The following SLC38A9 variants were observed in gnomAD, a reference collection of about 807,000 sequenced individuals.
SLC38A9 encodes the protein neutral amino acid transporter 9.
Under a neutral mutation model 62.3 loss-of-function variants are expected in SLC38A9, and 48 were observed. That is an observed-to-expected ratio of 0.77 (90% CI 0.61 to 0.98). SLC38A9 has a LOEUF of 0.98. SLC38A9 is among the 50% of genes least tolerant of loss of function. The pLI is 0.00. For synonymous variants in SLC38A9, 204 were observed against 227.7 expected (o/e 0.90, Z 0.94); for missense variants, 541 against 679.8 (o/e 0.80, Z 2.27).
At chr5:55,647,049 C>A (rs1029506766) in intron 11 of SLC38A9, among the ~76,000 whole-genome samples, 1 of 152,118 alleles carries the variant, frequency 6.6e-6, no homozygotes, top group African/African-American at 2.4e-5. Context: ...TGTGCCTGGC[C>A]TACTTTTATT....
chr5:55,690,192 A>G (rs1299493066), intron 3 of SLC38A9, among the ~76,000 whole-genome samples: 1 of 152,088 alleles, frequency 6.6e-6, no homozygotes, highest in East Asian at 1.9e-4. Context: ...ATATCTCGCT[A>G]TGTTGCCCAG....
chr5:55,669,464 T>G, intron 6 of SLC38A9, 93 bp downstream of exon 6: 1 of 1,365,782 alleles, frequency 7.3e-7, no homozygotes. Context: ...CTTTAATGAA[T>G]TTTATGTAGA....
chr5:55,649,500 A>G (rs1054388095), intron 10 of SLC38A9, among the ~76,000 whole-genome samples, 186 bp from the exon 11 acceptor site: 1 of 94,786 alleles, frequency 1.1e-5, no homozygotes, highest in South Asian at 4.3e-4. Context: ...CAGAAAAAAA[A>G]CAAAACACTC....
At chr5:55,648,980 C>G (rs1433331339) in intron 11 of SLC38A9, among the ~76,000 whole-genome samples, 1 of 152,062 alleles carries the variant, frequency 6.6e-6, no homozygotes, top group East Asian at 1.9e-4. Flanking sequence ...AGTATTAGTG[C>G]ACTATAACTT....
intron 2 of SLC38A9, among the ~76,000 whole-genome samples, chr5:55,700,412 C>T (rs1341662017): frequency 6.7e-6 from 1 of 148,638 alleles, no homozygotes; most frequent in African/African-American, 2.5e-5. Context: ...AAAAGTCAGA[C>T]GAAGGTCTTG....
intron 3 of SLC38A9, among the ~76,000 whole-genome samples, chr5:55,690,002 T>C (rs10940482): frequency 0.6 from 91,084 of 151,764 alleles, 27,893 homozygotes; most frequent in South Asian, 0.7. Flanking sequence ...CAATTATGGA[T>C]ACAAAAGGGC....
chr5:55,668,680 G>C (rs1333377378), intron 7 of SLC38A9, among the ~76,000 whole-genome samples: 1 of 152,184 alleles, frequency 6.6e-6, no homozygotes, highest in East Asian at 1.9e-4. Context: ...ATGAAATAAT[G>C]CATGTTTGTT....
At chr5:55,673,552 C>G (rs1400467291) in intron 3 of SLC38A9, 1 of 152,032 alleles carries the variant, frequency 6.6e-6, no homozygotes, top group Non-Finnish European at 1.5e-5. Flanking sequence ...CCCCAAATTG[C>G]ACATAATTTG....
At chr5:55,631,206 C>A (rs1743379301) in intron 14 of SLC38A9, among the ~76,000 whole-genome samples, 2 of 152,168 alleles carry the variant, frequency 1.3e-5, no homozygotes, top group Admixed American at 1.3e-4. Context: ...CCTGCATAAA[C>A]TAAAGCTCCT....
At chr5:55,634,180 CAA>C (rs761941150) in intron 13 of SLC38A9, 7 of 252,570 alleles carry the variant, frequency 2.8e-5, no homozygotes, top group Admixed American at 5.2e-5. Context: ...AAAGCAACAG[CAA>C]AGACAATTTT....
At chr5:55,630,705 A>T (rs1251645438) in intron 14 of SLC38A9, among the ~76,000 whole-genome samples, 1 of 152,176 alleles carries the variant, frequency 6.6e-6, no homozygotes, top group Admixed American at 6.5e-5. Context: ...GGCACATAAG[A>T]TGTTTTCATA....
At chr5:55,710,084 A>G (rs1368906010) in intron 2 of SLC38A9, among the ~76,000 whole-genome samples, 11 of 97,616 alleles carry the variant, frequency 1.1e-4, no homozygotes, top group African/African-American at 3.0e-4. Context: ...AAAAAAAAAA[A>G]AGAAAAAAAA....
intron 8 of SLC38A9, among the ~76,000 whole-genome samples, chr5:55,661,867 G>T (rs1333273558): frequency 1.3e-5 from 2 of 152,092 alleles, no homozygotes; most frequent in Non-Finnish European, 2.9e-5. Flanking sequence ...AGAAAAATGG[G>T]CAAAGGATAT....
Position 55,633,041 on chromosome 5 carries a change from C to A in SLC38A9, c.1430+713G>T, listed in dbSNP as rs575999507. 2.0e-4 allele frequency among the ~76,000 whole-genome samples: 31 copies of A among 151,736 alleles called. No homozygotes were observed. The South Asian group carries it at 6.3e-3, about 31-fold the overall frequency. Reference sequence around the variant, plus strand: ...TTTTTCTTTTGGAGTCAGGGTCTCACTGTATCACCCAGAGCAGTGGCGTGA... The same window carrying A: ...TTTTTCTTTTGGAGTCAGGGTCTCAATGTATCACCCAGAGCAGTGGCGTGA... On this transcript the variant is annotated intron_variant, in intron 14 of 15. Coordinates refer to ENST00000396865, the MANE Select transcript of SLC38A9 (RefSeq NM_173514.4).
rs192274124 is a variant in SLC38A9, at chr5:55,681,893, C to T, written c.114-9198G>A. On this transcript the variant is annotated intron_variant, in intron 3 of 15. Coordinates refer to ENST00000396865, the MANE Select transcript of SLC38A9 (RefSeq NM_173514.4). Reference sequence around the variant, plus strand: ...ACTGGAACACAGCCAGGCCCATGCACTTATGTTTTGTCTATGGCTACTCCC... The same window carrying T: ...ACTGGAACACAGCCAGGCCCATGCATTTATGTTTTGTCTATGGCTACTCCC... Among the ~76,000 whole-genome samples the T allele has an allele frequency of 9.9e-5, 15 of 152,264 alleles. No individual in the cohort carries two copies. In the East Asian group the frequency reaches 2.9e-3, roughly 29 times the overall value.
At chr5:55,687,300 G>T (rs1036056157) in intron 3 of SLC38A9, among the ~76,000 whole-genome samples, 29 of 150,268 alleles carry the variant, frequency 1.9e-4, no homozygotes, top group African/African-American at 6.6e-4. Context: ...AGTGGCGGGC[G>T]CCTGTGGTCC....
intron 3 of SLC38A9, among the ~76,000 whole-genome samples, chr5:55,677,961 T>TGTGTGTGTGTGTGTGTGTGTGG: frequency 6.7e-6 from 1 of 149,316 alleles, no homozygotes. Context: ...TGTGTGTGTG[T>TGTGTGTGTGTGTGTGTGTGTGG]GTAGTGTGTT....
intron 3 of SLC38A9, among the ~76,000 whole-genome samples, chr5:55,678,579 G>A (rs1752526519): frequency 6.9e-6 from 1 of 145,914 alleles, no homozygotes; most frequent in African/African-American, 2.5e-5. Context: ...TATGGAGGAT[G>A]AAAATTCATC....
At chr5:55,651,548 C>T (rs1347666046) in intron 10 of SLC38A9, among the ~76,000 whole-genome samples, 1 of 151,884 alleles carries the variant, frequency 6.6e-6, no homozygotes, top group Non-Finnish European at 1.5e-5. Context: ...ACACCTGGCC[C>T]CTTTTGCCAT....
Sources: allele counts gnomAD v4.1 joint callset (sites outside exome capture counted in the v4.1 genomes callset), GRCh38; gene constraint gnomAD v4.1.1; transcripts MANE v1.5; gene names NCBI Gene and HGNC (gene_info 2026-07-23, HGNC 2026-07-21).